Variants in PIEZO2 observed in about 807,000 individuals in gnomAD.
The protein encoded by PIEZO2 is piezo type mechanosensitive ion channel component 2.
PIEZO2 carries 172 observed loss-of-function variants against 337.3 expected under a neutral mutation model. The observed-to-expected ratio is 0.51, with a 90% confidence interval of 0.45 to 0.58. The LOEUF is 0.58. PIEZO2 is among the 20% of genes least tolerant of loss of function. The pLI, the probability that PIEZO2 is intolerant of heterozygous loss-of-function variation, is 0.00. For synonymous variants in PIEZO2, 1,251 were observed against 1,228.5 expected (o/e 1.02, Z -0.38); for missense variants, 3,028 against 3,391.3 (o/e 0.89, Z 2.66).
intron 7 of PIEZO2, among the ~76,000 whole-genome samples, chr18:10,841,773 G>T (rs1443690215): frequency 6.6e-6 from 1 of 152,140 alleles, no homozygotes; most frequent in African/African-American, 2.4e-5. Flanking sequence ...AAATACATGG[G>T]CAATTATAAA....
intron 2 of PIEZO2, among the ~76,000 whole-genome samples, chr18:10,984,258 C>T (rs979453355): frequency 1.3e-5 from 2 of 152,000 alleles, no homozygotes; most frequent in Admixed American, 1.3e-4. Flanking sequence ...GAAATTAAGA[C>T]TTACAAATTA....
intron 13 of PIEZO2, among the ~76,000 whole-genome samples, chr18:10,792,802 A>G (rs2039448514): frequency 6.6e-6 from 1 of 152,208 alleles, no homozygotes; most frequent in African/African-American, 2.4e-5. Context: ...TAGGACTGGA[A>G]TTGCTGGTCT....
intron 5 of PIEZO2, among the ~76,000 whole-genome samples, chr18:10,858,061 C>T (rs1220061169): frequency 6.8e-6 from 1 of 147,812 alleles, no homozygotes; most frequent in African/African-American, 2.5e-5. Flanking sequence ...GTGGCTGACT[C>T]CTGTAATCCC....
chr18:11,024,560 A>G (rs893781762), intron 2 of PIEZO2, among the ~76,000 whole-genome samples: 7 of 151,698 alleles, frequency 4.6e-5, no homozygotes, highest in Non-Finnish European at 7.4e-5. Context: ...AAAAAAAAAA[A>G]AAAGAAAAAA....
chr18:10,832,789 A>G (rs943527550), intron 7 of PIEZO2, among the ~76,000 whole-genome samples: 1 of 152,130 alleles, frequency 6.6e-6, no homozygotes, highest in African/African-American at 2.4e-5. Flanking sequence ...TAAAATGCCA[A>G]TTCTCAGACC....
intron 2 of PIEZO2, among the ~76,000 whole-genome samples, chr18:10,991,099 T>C (rs2035074598): frequency 6.6e-6 from 1 of 151,562 alleles, no homozygotes; most frequent in Non-Finnish European, 1.5e-5. Context: ...TTTTATAGAA[T>C]GCACCAGTAA....
chr18:10,790,083 C>T (rs2039358010), intron 14 of PIEZO2, among the ~76,000 whole-genome samples: 1 of 152,098 alleles, frequency 6.6e-6, no homozygotes, highest in Admixed American at 6.5e-5. Context: ...GGGCTCAGAG[C>T]AACAGTTGAT....
intron 2 of PIEZO2, among the ~76,000 whole-genome samples, chr18:10,989,103 C>T (rs2034991699): frequency 6.6e-6 from 1 of 151,904 alleles, no homozygotes; most frequent in Admixed American, 6.6e-5. Context: ...ACAACAAAAA[C>T]ACTAATAATA....
intron 36 of PIEZO2, among the ~76,000 whole-genome samples, chr18:10,720,858 G>A (rs747830357): frequency 6.6e-6 from 1 of 152,002 alleles, no homozygotes; most frequent in African/African-American, 2.4e-5. Flanking sequence ...CTCCACATCC[G>A]GTCTTGACCA....
At position 10,773,473 on chromosome 18, in the gene PIEZO2, G is replaced by A. The variant is rs1013706970; in HGVS notation, c.2724C>T (p.Ser908=). The A allele has an allele frequency of 9.8e-6, 15 of 1,537,194 alleles. No homozygotes were observed. Among genetic ancestry groups the A allele is most frequent in the South Asian group, 2.4e-5 (2 of 84,056 alleles). The change falls in exon 20 of 56, where the codon AGC becomes AGT. Residue 908 remains serine (S), a synonymous_variant. Transcript: ENST00000674853. The surrounding 1 kb of genome is among the most constrained non-coding windows in gnomAD (Gnocchi z 5.3). The part of the protein sequence containing the change: ...KAQKGDLGKD[S]EESEEDGEEE... ...CCTCTCCGTCCTCCTCTGACTCCTC[G>A]CTGTCTTTCCCAAGATCACCCTTCT... is the stretch of plus-strand genomic sequence containing the variant.
In PIEZO2 at chr18:11,112,591, T is replaced by C. The variant is rs1025547027; in HGVS notation, c.64+35934A>G. Reference sequence around the variant, plus strand: ...CTATCGAAACCACATAAACATTGCATACTAGTCAGAGGCTCACCAGGGTTG... The same window carrying C: ...CTATCGAAACCACATAAACATTGCACACTAGTCAGAGGCTCACCAGGGTTG... On this transcript the variant is annotated intron_variant, in intron 1 of 55. Transcript: ENST00000674853. The surrounding 1 kb of genome is among the most constrained non-coding windows in gnomAD (Gnocchi z 4.3). Among the ~76,000 whole-genome samples the C allele has an allele frequency of 6.6e-6, 1 of 152,214 alleles. No homozygotes were observed. The highest frequency in any genetic ancestry group is 2.4e-5 in the African/African-American group (1 of 41,454).
rs548890175 is a variant in PIEZO2, at chr18:10,762,427, G to A, written c.3249+73C>T. 853 of 1,481,220 alleles carry A rather than the reference G, an allele frequency of 5.8e-4. 4 individuals carry two copies. The highest frequency in any genetic ancestry group is 3.8e-3 in the African/African-American group (267 of 70,826). 91.8% of individuals were successfully genotyped at this position (1,481,220 alleles called of 1,614,324 possible). ...GTTACTATCAAATGTGATGTTAAGC[G>A]TCTCATGGAAAAGAATCCTGAACTA... On this transcript the variant is annotated intron_variant, in intron 23 of 55. Coordinates refer to ENST00000674853, the MANE Select transcript of PIEZO2 (RefSeq NM_001378183.1).
chr18:10,758,951 C>T (rs940751212), intron 26 of PIEZO2, among the ~76,000 whole-genome samples: 1 of 152,182 alleles, frequency 6.6e-6, no homozygotes, highest in Non-Finnish European at 1.5e-5. Context: ...GCAGGGCAGT[C>T]ATTTGCATTT....
intron 36 of PIEZO2, among the ~76,000 whole-genome samples, chr18:10,720,946 T>C (rs1442656032): frequency 6.6e-6 from 1 of 152,202 alleles, no homozygotes; most frequent in Non-Finnish European, 1.5e-5. Context: ...GTACAAATAC[T>C]CCCTTCTTCA....
At chr18:10,956,965 A>G (rs2033554941) in intron 3 of PIEZO2, among the ~76,000 whole-genome samples, 1 of 125,120 alleles carries the variant, frequency 8.0e-6, no homozygotes, top group Non-Finnish European at 1.7e-5. Context: ...GCAAAACTCC[A>G]TCTCAAAAAA....
chr18:10,808,626 C>T (rs944878816), intron 7 of PIEZO2, among the ~76,000 whole-genome samples: 7 of 152,088 alleles, frequency 4.6e-5, no homozygotes, highest in East Asian at 1.9e-4. Context: ...TATGTCATAA[C>T]TTGTTCTTAT....
intron 1 of PIEZO2, among the ~76,000 whole-genome samples, chr18:11,087,187 G>A (rs182331105): frequency 1.3e-5 from 2 of 152,246 alleles, no homozygotes; most frequent in East Asian, 1.9e-4. Context: ...ACACTGAATC[G>A]GCTGGTGTCT....
chr18:10,931,921 T>G (rs1021236638), intron 3 of PIEZO2, among the ~76,000 whole-genome samples: 2 of 152,240 alleles, frequency 1.3e-5, no homozygotes, highest in African/African-American at 4.8e-5. Flanking sequence ...CTGTCTTTTT[T>G]GGTTGTTTCA....
At chr18:10,779,027 A>T (rs1051803202) in intron 18 of PIEZO2, among the ~76,000 whole-genome samples, 1 of 152,214 alleles carries the variant, frequency 6.6e-6, no homozygotes, top group African/African-American at 2.4e-5. Context: ...TTCTAGCTAG[A>T]GTCTGTTTCT....
Sources: allele counts gnomAD v4.1 joint callset (sites outside exome capture counted in the v4.1 genomes callset), GRCh38; gene constraint gnomAD v4.1.1; non-coding constraint Gnocchi (gnomAD v3.1); transcripts MANE v1.5; gene names NCBI Gene and HGNC (gene_info 2026-07-23, HGNC 2026-07-21).